The following CTXND1 variants were observed in gnomAD, a reference collection of about 807,000 sequenced individuals.
The protein encoded by CTXND1 is cortexin domain containing 1, also known as cortexin domain-containing 1 protein.
At chr15:80,211,084 G>A (rs903756013) in intron 1 of CTXND1, among the ~76,000 whole-genome samples, 6 of 152,196 alleles carry the variant, frequency 3.9e-5, no homozygotes, top group African/African-American at 9.6e-5. Flanking sequence ...TGAGATCCTC[G>A]AGGACAGAGT....
At chr15:80,217,247 A>G (rs956325966) in intron 1 of CTXND1, among the ~76,000 whole-genome samples, 2 of 152,200 alleles carry the variant, frequency 1.3e-5, no homozygotes, top group Non-Finnish European at 2.9e-5. Flanking sequence ...GAAACTGACA[A>G]AACTCCCACA....
At chr15:80,204,463 C>G (rs1023562878) in intron 1 of CTXND1, among the ~76,000 whole-genome samples, 20 of 151,046 alleles carry the variant, frequency 1.3e-4, no homozygotes, top group Non-Finnish European at 2.9e-5. Context: ...CAGCCCGGGG[C>G]GGCCACCATT....
intron 1 of CTXND1, among the ~76,000 whole-genome samples, chr15:80,206,078 T>C (rs61568648): frequency 0.3 from 45,182 of 152,080 alleles, 6,737 homozygotes; most frequent in East Asian, 0.39. Context: ...GATTCTATAG[T>C]TGTTAACGTT....
chr15:80,220,706 T>C (rs1192067279), intron 1 of CTXND1, among the ~76,000 whole-genome samples: 4 of 152,114 alleles, frequency 2.6e-5, no homozygotes, highest in Non-Finnish European at 4.4e-5. Flanking sequence ...TGTCCGTTAA[T>C]CATGTGTTAT....
At chr15:80,233,082 T>C (rs1448451978) in intron 1 of CTXND1, among the ~76,000 whole-genome samples, 3 of 151,820 alleles carry the variant, frequency 2.0e-5, no homozygotes, top group Non-Finnish European at 2.9e-5. Flanking sequence ...TCTGGGATTA[T>C]AGGCGCCCAC....
chr15:80,223,432 C>T (rs971070482), intron 1 of CTXND1, among the ~76,000 whole-genome samples: 5 of 152,284 alleles, frequency 3.3e-5, no homozygotes, highest in Admixed American at 1.3e-4. Context: ...ATGAAATGCA[C>T]GATATCACGA....
chr15:80,203,086 T>G (rs1454544836), intron 2 of CTXND1, among the ~76,000 whole-genome samples: 1 of 152,168 alleles, frequency 6.6e-6, no homozygotes, highest in Non-Finnish European at 1.5e-5. Flanking sequence ...GTACATACTT[T>G]GAGTGAACTG....
At chr15:80,230,760 T>G (rs1025526782) in intron 1 of CTXND1, among the ~76,000 whole-genome samples, 7 of 152,150 alleles carry the variant, frequency 4.6e-5, no homozygotes, top group African/African-American at 1.7e-4. Flanking sequence ...TATTTAAAAG[T>G]GTGTTGCTTA....
At chr15:80,209,994 A>G (rs1392165421) in intron 1 of CTXND1, among the ~76,000 whole-genome samples, 1 of 152,258 alleles carries the variant, frequency 6.6e-6, no homozygotes, top group Non-Finnish European at 1.5e-5. Context: ...ATTAATCTAA[A>G]TCAAACAAAC....
chr15:80,251,509 G>A (rs1893696117), intron 1 of CTXND1, among the ~76,000 whole-genome samples: 1 of 152,226 alleles, frequency 6.6e-6, no homozygotes. Context: ...AGCCACAGGA[G>A]AGGGAATTTT....
rs1010130924 is a variant in CTXND1, at chr15:80,199,377, C to T, written c.*2393G>A. 2.0e-5 allele frequency: 3 copies of T among 152,160 alleles called. No homozygotes were observed. Among genetic ancestry groups the T allele is most frequent in the Admixed American group, 6.5e-5 (1 of 15,280 alleles). 9.4% of individuals were successfully genotyped at this position (152,160 alleles called of 1,614,324 possible). A position where few individuals can be genotyped will look rare whatever the true frequency, so the allele number is the denominator to read the frequency against. On this transcript the variant is annotated 3_prime_UTR_variant, in exon 3 of 3. Coordinates refer to ENST00000560778, the MANE Select transcript of CTXND1 (RefSeq NM_001352888.2). ...TTTAAGTTGCACTGCCCTGGAGCAC[C>T]CTCTTTTTCACCCCTGAGGGTTCTA...
Position 80,224,331 on chromosome 15 carries a change from C to T in CTXND1, c.-217-20591G>A, listed in dbSNP as rs144096905. ...AGATTTGTGAACAATAAAATAATTG[C>T]TATTGTTATAAGCCAAGATTTGGGG... On this transcript the variant is annotated intron_variant, in intron 1 of 2. Transcript: ENST00000560778. 3.0e-3 allele frequency among the ~76,000 whole-genome samples: 464 copies of T among 152,298 alleles called. 2 individuals are homozygous for T. Among genetic ancestry groups the T allele is most frequent in the Non-Finnish European group, 4.7e-3 (317 of 68,028 alleles).
intron 1 of CTXND1, among the ~76,000 whole-genome samples, chr15:80,247,837 C>T (rs1421566617): frequency 1.3e-5 from 2 of 152,006 alleles, no homozygotes. Flanking sequence ...TTAACTGGGC[C>T]CAGGGAAAGG....
Position 80,215,647 on chromosome 15 carries a change from A to T in CTXND1, c.-217-11907T>A, listed in dbSNP as rs1015203577. ...GCTTTTTAGATTTGTTGTCTCATAT[A>T]GGGCACATTCCTGGGGCATTATCTG... On this transcript the variant is annotated intron_variant, in intron 1 of 2. Transcript: ENST00000560778. Among the ~76,000 whole-genome samples the T allele has an allele frequency of 4.6e-5, 7 of 152,278 alleles. No homozygotes were observed. In the East Asian group the frequency reaches 1.4e-3, roughly 29 times the overall value.
intron 1 of CTXND1, among the ~76,000 whole-genome samples, chr15:80,241,131 T>C (rs1678714803): frequency 1.3e-5 from 2 of 152,196 alleles, no homozygotes; most frequent in South Asian, 4.1e-4. Context: ...TGGGGGCAAC[T>C]ACCGGCCAAC....
chr15:80,231,654 T>C (rs1355453802), intron 1 of CTXND1, among the ~76,000 whole-genome samples: 3 of 152,332 alleles, frequency 2.0e-5, no homozygotes, highest in South Asian at 4.1e-4. Flanking sequence ...AATGGACTAT[T>C]CCTGTGGCCT....
At chr15:80,240,223 C>G (rs1309654848) in intron 1 of CTXND1, among the ~76,000 whole-genome samples, 1 of 152,210 alleles carries the variant, frequency 6.6e-6, no homozygotes, top group Non-Finnish European at 1.5e-5. Flanking sequence ...CCTCGGCCTC[C>G]CAAAGTGGTG....
intron 1 of CTXND1, among the ~76,000 whole-genome samples, chr15:80,246,463 G>C (rs1305124251): frequency 2.0e-5 from 3 of 152,248 alleles, no homozygotes; most frequent in Non-Finnish European, 4.4e-5. Flanking sequence ...CCTGGACAGG[G>C]AAGCTTTGGC....
intron 1 of CTXND1, among the ~76,000 whole-genome samples, chr15:80,209,378 G>T (rs554681314): frequency 6.6e-6 from 1 of 152,180 alleles, no homozygotes; most frequent in South Asian, 2.1e-4. Flanking sequence ...TGGCCTTCCC[G>T]GTGGCCAGCT....
Sources: allele counts gnomAD v4.1 joint callset (sites outside exome capture counted in the v4.1 genomes callset), GRCh38; gene constraint gnomAD v4.1.1; transcripts MANE v1.5; gene names NCBI Gene and HGNC (gene_info 2026-07-23, HGNC 2026-07-21).